CNIH2: variants seen among roughly 807,000 people sequenced by gnomAD.
CNIH2 encodes cornichon family AMPA receptor auxiliary protein 2.
In CNIH2, 8 loss-of-function variants were observed where a neutral mutation model predicts 22.9. The ratio of observed to expected loss-of-function variants is 0.35; its 90% CI spans 0.20 to 0.63. The LOEUF is 0.63. Among genes scored for constraint, CNIH2 ranks in the 30% least tolerant of loss-of-function variants. CNIH2 has a pLI of 0.72. For synonymous variants in CNIH2, 74 were observed against 78.2 expected (o/e 0.95, Z 0.28); for missense variants, 105 against 206.2 (o/e 0.51, Z 3.01).
chr11:66,282,748 A>G lies in CNIH2; in HGVS notation c.166A>G (p.Asn56Asp), dbSNP rs768647319. The G allele has an allele frequency of 1.2e-6, 2 of 1,613,596 alleles. No individual in the cohort carries two copies. Among genetic ancestry groups the G allele is most frequent in the South Asian group, 2.2e-5 (2 of 91,056 alleles). The change falls in exon 3 of 6, where the codon AAC (asparagine) becomes GAC (aspartate). Residue 56 changes from asparagine to aspartate, a missense_variant. Physicochemically the swap from Asn to Asp is conservative, Grantham distance 23. Transcript: ENST00000311445. ...CCCCCAACAGCGCGAGCGTTTAAAAAACATCGAACGCATCTGCTGCCTCCT... is the reference window on the plus strand; with the variant it reads ...CCCCCAACAGCGCGAGCGTTTAAAAGACATCGAACGCATCTGCTGCCTCCT... ...NPARARERLK[N>D]IERICCLLRK...
intron 1 of CNIH2, 75 bp from the exon 2 acceptor site, chr11:66,282,184 C>A: frequency 1.5e-6 from 2 of 1,327,388 alleles, no homozygotes; most frequent in Non-Finnish European, 1.1e-6. Flanking sequence ...CTTCAGTAAA[C>A]TATCCCACAG....
Position 66,278,329 on chromosome 11 carries a change from C to A in CNIH2, c.-128C>A. 1 of 203,412 alleles carries A rather than the reference C, an allele frequency of 4.9e-6. No individual in the cohort carries two copies. The highest frequency in any genetic ancestry group is 8.5e-6 in the Non-Finnish European group (1 of 117,234). The allele number at this position is 203,412 out of a possible 1,614,324, so 12.6% of individuals were successfully genotyped here. A position where few individuals can be genotyped will look rare whatever the true frequency, so the allele number is the denominator to read the frequency against. On this transcript the variant is annotated 5_prime_UTR_variant, in exon 1 of 6. Coordinates refer to ENST00000311445, the MANE Select transcript of CNIH2 (RefSeq NM_182553.3). ...CACGGCCCCGCGGTCCCGGTCCCGG[C>A]CGCATCACCCACGTCCCCCGAGCCC...
rs190971656 is a variant in CNIH2, at chr11:66,279,058, A to C, written c.81+521A>C. Among the ~76,000 whole-genome samples, 440 of 147,480 alleles carry C rather than the reference A, an allele frequency of 3.0e-3. 4 individuals carry two copies. The highest frequency in any genetic ancestry group is 0.01 in the African/African-American group (412 of 39,742). On this transcript the variant is annotated intron_variant, in intron 1 of 5. Transcript: ENST00000311445. Reference sequence around the variant, plus strand: ...CCAGCCCCCTCCCTGACCAAGCAGCAGTTGGCTCTCATCAGCCCCCAGAGA... The same window carrying C: ...CCAGCCCCCTCCCTGACCAAGCAGCCGTTGGCTCTCATCAGCCCCCAGAGA...
intron 1 of CNIH2, among the ~76,000 whole-genome samples, chr11:66,280,170 T>C (rs924989946): frequency 6.6e-6 from 1 of 152,200 alleles, no homozygotes; most frequent in Non-Finnish European, 1.5e-5. Flanking sequence ...AAGATCAGGC[T>C]CTGGGTGGCT....
At chr11:66,279,618 C>G (rs546450838) in intron 1 of CNIH2, among the ~76,000 whole-genome samples, 1 of 152,184 alleles carries the variant, frequency 6.6e-6, no homozygotes, top group East Asian at 1.9e-4. Flanking sequence ...TAGCCCTTCC[C>G]TCCTTCCTCC....
chr11:66,283,199 T>G, intron 4 of CNIH2, 49 bp from the exon 5 acceptor site: 1 of 1,613,598 alleles, frequency 6.2e-7, no homozygotes, highest in Non-Finnish European at 8.5e-7. Flanking sequence ...AGGGGCAGGA[T>G]GGGGGTGGGA....
chr11:66,281,565 T>C (rs993048772), intron 1 of CNIH2: 3 of 438,426 alleles, frequency 6.8e-6, no homozygotes, highest in African/African-American at 6.1e-5. Flanking sequence ...CCCAAAATTT[T>C]TGTGTTAAAG....
At chr11:66,282,867 G>A (rs898388057) in intron 3 of CNIH2, 87 bp downstream of exon 3, 3 of 1,496,246 alleles carry the variant, frequency 2.0e-6, no homozygotes, top group Non-Finnish European at 2.8e-6. Context: ...CCCCTGCTTT[G>A]GGCCTGTTTG....
In CNIH2 at chr11:66,283,329, C is replaced by T; in HGVS notation, c.393C>T (p.Cys131=). 1 of 1,614,162 alleles carries T rather than the reference C, an allele frequency of 6.2e-7. No individual in the cohort carries two copies. Among genetic ancestry groups the T allele is most frequent in the Non-Finnish European group, 8.5e-7 (1 of 1,179,994 alleles). ...TGAATGCTGACATTCTCAACTACTG[C>T]CAGAAGGAGTCCTGGTGCAAACTTG... is the stretch of plus-strand genomic sequence containing the variant. ...SIMNADILNY[C]QKESWCKLAF... is the part of the protein sequence containing the mutation. Residue 131 remains cysteine (C), a synonymous_variant, in exon 5 of 6, where the codon TGC becomes TGT. Transcript: ENST00000311445.
Position 66,283,644 on chromosome 11 carries a change from T to G in CNIH2, c.*47T>G. The G allele has an allele frequency of 6.4e-7, 1 of 1,551,242 alleles. No individual in the cohort carries two copies. The highest frequency in any genetic ancestry group is 2.4e-5 in the East Asian group (1 of 41,074). The stretch of plus-strand genomic sequence containing the variant: ...GAGCCCAGAACGGACCGGACGCCTG[T>G]GCACCCCCAGCCCTGCCCCTTGGCC... On this transcript the variant is annotated 3_prime_UTR_variant, in exon 6 of 6. Coordinates refer to ENST00000311445, the MANE Select transcript of CNIH2 (RefSeq NM_182553.3).
chr11:66,279,642 G>A (rs1031253062), intron 1 of CNIH2, among the ~76,000 whole-genome samples: 9 of 152,100 alleles, frequency 5.9e-5, no homozygotes, highest in African/African-American at 1.2e-4. Flanking sequence ...TGCCTCACCT[G>A]CTTCTTTCCC....
intron 2 of CNIH2, 109 bp from the exon 3 acceptor site, chr11:66,282,624 C>T (rs991874180): frequency 7.9e-5 from 105 of 1,333,414 alleles, no homozygotes; most frequent in Non-Finnish European, 1.0e-4. Context: ...GCCGACAGTG[C>T]CGCAGAGATC....
intron 1 of CNIH2, among the ~76,000 whole-genome samples, chr11:66,279,054 C>G (rs1857216688): frequency 1.3e-5 from 2 of 150,688 alleles, no homozygotes; most frequent in South Asian, 4.2e-4. Context: ...CCTGACCAAG[C>G]AGCAGTTGGC....
chr11:66,283,515 C>T (rs1468368684), intron 5 of CNIH2, 55 bp from the exon 6 acceptor site: 22 of 1,607,002 alleles, frequency 1.4e-5, no homozygotes, highest in Non-Finnish European at 1.7e-5. Flanking sequence ...ACCAGGTGGG[C>T]ATCTGGGTGG....
At chr11:66,278,729 G>GC (rs1237252713) in intron 1 of CNIH2, among the ~76,000 whole-genome samples, 192 bp downstream of exon 1, 1 of 90,446 alleles carries the variant, frequency 1.1e-5, no homozygotes, top group African/African-American at 4.5e-5. Context: ...TTCCTCCGCC[G>GC]CCCCCGCCTG....
In CNIH2 at chr11:66,283,565, T is replaced by A. The variant is rs1195029166; in HGVS notation, c.456-5T>A. Reference sequence around the variant, plus strand: ...GGCTAGGCTCACTGGCTCATCTTCCTACAGTATGGTTTATACGTTGGTGAG... The same window carrying A: ...GGCTAGGCTCACTGGCTCATCTTCCAACAGTATGGTTTATACGTTGGTGAG... On this transcript the variant is annotated splice_region_variant and splice_polypyrimidine_tract_variant and intron_variant, in intron 5 of 5. Transcript: ENST00000311445. 1 of 1,593,380 alleles carries A rather than the reference T, an allele frequency of 6.3e-7. No individual in the cohort carries two copies. The highest frequency in any genetic ancestry group is 1.8e-5 in the Admixed American group (1 of 56,378).
intron 1 of CNIH2, among the ~76,000 whole-genome samples, chr11:66,279,466 G>A (rs1261650353): frequency 1.6e-5 from 1 of 64,036 alleles, no homozygotes; most frequent in South Asian, 5.7e-4. Context: ...CCCAAACCCC[G>A]TGCCTGTTTC....
intron 1 of CNIH2, 28 bp from the exon 2 acceptor site, chr11:66,282,231 C>T: frequency 1.9e-6 from 3 of 1,602,708 alleles, no homozygotes; most frequent in Non-Finnish European, 2.6e-6. Flanking sequence ...GCTGCCCCAA[C>T]CCTGACGGGC....
rs899773125 is a variant in CNIH2, at chr11:66,283,916, G to A, written c.*319G>A. ...TCGGGGGAAACTTGGGCCCTGCCAA[G>A]GGGCAGAGCTTGACCCTGGAAATTC... On this transcript the variant is annotated 3_prime_UTR_variant, in exon 6 of 6. Transcript: ENST00000311445. 25 of 337,080 alleles carry A rather than the reference G, an allele frequency of 7.4e-5. No individual in the cohort carries two copies. Among genetic ancestry groups the A allele is most frequent in the African/African-American group, 2.5e-4 (12 of 47,108 alleles). The allele number at this position is 337,080 out of a possible 1,614,324, so 20.9% of individuals were successfully genotyped here. A position where few individuals can be genotyped will look rare whatever the true frequency, so the allele number is the denominator to read the frequency against.
Sources: gnomAD v4.1 joint callset for allele counts (sites outside exome capture counted in the v4.1 genomes callset) on GRCh38, gnomAD v4.1.1 for gene constraint, MANE v1.5 for transcripts, NCBI Gene and HGNC (gene_info 2026-07-23, HGNC 2026-07-21) for gene names.